The following CREBBP variants were observed in gnomAD, a reference collection of about 807,000 sequenced individuals.
CREBBP encodes the protein CREB binding lysine acetyltransferase, also known as CREB-binding protein.
CREBBP carries 19 observed loss-of-function variants against 265.0 expected under a neutral mutation model. The observed-to-expected ratio is 0.07, with a 90% confidence interval of 0.05 to 0.11. The LOEUF (loss-of-function observed/expected upper bound fraction) is 0.11. Among genes scored for constraint, CREBBP ranks in the 10% least tolerant of loss-of-function variants. The probability of loss-of-function intolerance (pLI) is 1.00; values close to 1 mark genes in which losing one functional copy is unlikely to be tolerated. For missense variants in CREBBP, 2,525 were observed against 3,219.0 expected (o/e 0.78, Z 5.22); for synonymous variants, 1,457 against 1,223.7 (o/e 1.19, Z -3.98).
intron 1 of CREBBP, among the ~76,000 whole-genome samples, chr16:3,855,628 A>G (rs1306379949): frequency 6.6e-6 from 1 of 152,084 alleles, no homozygotes; most frequent in Non-Finnish European, 1.5e-5. Context: ...AATTTGGGGT[A>G]CCTCCTCATG....
chr16:3,798,210 G>C (rs2053644824), intron 3 of CREBBP, among the ~76,000 whole-genome samples: 4 of 152,194 alleles, frequency 2.6e-5, no homozygotes, highest in Admixed American at 2.6e-4. Flanking sequence ...CAACGTAAGA[G>C]TGACAATCGT....
At chr16:3,736,340 T>C in intron 27 of CREBBP, 137 bp from the exon 28 acceptor site, 1 of 914,086 alleles carries the variant, frequency 1.1e-6, no homozygotes, top group Non-Finnish European at 1.7e-6. Context: ...CCCACCACAG[T>C]GCAGCAGACC....
chr16:3,850,265 A>T (rs748629353), intron 2 of CREBBP, 32 bp downstream of exon 2: 66 of 1,610,298 alleles, frequency 4.1e-5, no homozygotes, highest in Non-Finnish European at 5.4e-5. Context: ...GCGGTTAGGT[A>T]GGAAGTATTG....
chr16:3,850,105 T>C (rs1342660181), intron 2 of CREBBP, among the ~76,000 whole-genome samples, 192 bp downstream of exon 2: 1 of 152,058 alleles, frequency 6.6e-6, no homozygotes, highest in Non-Finnish European at 1.5e-5. Flanking sequence ...CTTTAAGAAT[T>C]CTCATTTTAA....
chr16:3,790,799 C>A (rs570601608), intron 5 of CREBBP, among the ~76,000 whole-genome samples: 1 of 152,180 alleles, frequency 6.6e-6, no homozygotes, highest in African/African-American at 2.4e-5. Flanking sequence ...CCTACTCCCT[C>A]GCCGCCAGAG....
At chr16:3,747,842 C>T (rs1440397387) in intron 21 of CREBBP, among the ~76,000 whole-genome samples, 1 of 152,134 alleles carries the variant, frequency 6.6e-6, no homozygotes, top group Non-Finnish European at 1.5e-5. Flanking sequence ...GTAATCCCAG[C>T]ACCTTGAGAG....
At chr16:3,790,596 C>T (rs959168722) in intron 5 of CREBBP, among the ~76,000 whole-genome samples, 19 of 152,130 alleles carry the variant, frequency 1.2e-4, no homozygotes, top group East Asian at 1.9e-4. Flanking sequence ...GTGATCTGCC[C>T]GCCTCGGCCT....
chr16:3,849,425 GTGTGTGTGTGTGTGTGTGTGTGTGT>G lies in CREBBP; in HGVS notation c.798+847_798+871del, dbSNP rs1597050318. Among the ~76,000 whole-genome samples, 82 of 10,580 alleles carry G rather than the reference GTGTGTGTGTGTGTGTGTGTGTGTGT, an allele frequency of 7.8e-3. 3 individuals are homozygous for G. Among genetic ancestry groups the G allele is most frequent in the East Asian group, 0.028 (4 of 142 alleles). 6.9% of individuals were successfully genotyped at this position (10,580 alleles called of 152,430 possible). Reference sequence around the variant, plus strand: ...TGTGTGTGTGTGTGTGTGTGTGTGTGTGTGTGTGTGTGTGTGTGTGTGTGTGTGTGTGTGTGTGTGTGTGTGTGTG... The same window carrying G: ...TGTGTGTGTGTGTGTGTGTGTGTGTGGTGTGTGTGTGTGTGTGTGTGTGTG... On this transcript the variant is annotated intron_variant, in intron 2 of 30. Coordinates refer to ENST00000262367, the MANE Select transcript of CREBBP (RefSeq NM_004380.3).
At chr16:3,766,162 C>T (rs1294125288) in intron 16 of CREBBP, among the ~76,000 whole-genome samples, 2 of 151,914 alleles carry the variant, frequency 1.3e-5, no homozygotes, top group Admixed American at 6.6e-5. Context: ...ATTCCAAGTA[C>T]AAGATGGATC....
intron 1 of CREBBP, among the ~76,000 whole-genome samples, chr16:3,858,060 C>G (rs973100145): frequency 3.9e-5 from 6 of 152,198 alleles, no homozygotes; most frequent in Non-Finnish European, 7.3e-5. Context: ...AGCCGGTGGT[C>G]TGCATGCAGA....
At chr16:3,826,986 TAA>T (rs903866160) in intron 2 of CREBBP, among the ~76,000 whole-genome samples, 1 of 152,122 alleles carries the variant, frequency 6.6e-6, no homozygotes, top group African/African-American at 2.4e-5. Context: ...TCTGTAAATC[TAA>T]AACTGTTCTC....
chr16:3,752,610 T>C (rs2052499158), intron 19 of CREBBP, among the ~76,000 whole-genome samples: 1 of 152,194 alleles, frequency 6.6e-6, no homozygotes, highest in Non-Finnish European at 1.5e-5. Flanking sequence ...AGAAATGTGA[T>C]ATATTGTATA....
intron 14 of CREBBP, 52 bp from the exon 15 acceptor site, chr16:3,769,405 T>C (rs2052944255): frequency 1.3e-6 from 2 of 1,599,790 alleles, no homozygotes; most frequent in Admixed American, 1.7e-5. Flanking sequence ...ACATAAATGA[T>C]CTTCAACTAT....
chr16:3,751,686 C>G (rs763764851), intron 20 of CREBBP, 40 bp downstream of exon 20: 1 of 1,588,294 alleles, frequency 6.3e-7, no homozygotes, highest in South Asian at 1.1e-5. Context: ...TTTAAGGTCA[C>G]CCTCCCTCAC....
intron 5 of CREBBP, among the ~76,000 whole-genome samples, chr16:3,789,902 A>G (rs937379647): frequency 6.6e-6 from 1 of 152,014 alleles, no homozygotes; most frequent in Non-Finnish European, 1.5e-5. Flanking sequence ...AAAACCACAT[A>G]CGCTTCTTTT....
intron 3 of CREBBP, among the ~76,000 whole-genome samples, chr16:3,799,032 T>C (rs1178448198): frequency 6.6e-6 from 1 of 152,138 alleles, no homozygotes; most frequent in African/African-American, 2.4e-5. Flanking sequence ...TACTACAACA[T>C]GAACTCCGAA....
chr16:3,782,949 A>C, intron 5 of CREBBP, 23 bp from the exon 6 acceptor site: 1 of 1,614,196 alleles, frequency 6.2e-7, no homozygotes, highest in Non-Finnish European at 8.5e-7. Flanking sequence ...ACAGACAGAC[A>C]GACAAAAACG....
At chr16:3,767,678 A>C (rs962592171) in intron 16 of CREBBP, 42 bp downstream of exon 16, 6 of 1,613,422 alleles carry the variant, frequency 3.7e-6, no homozygotes, top group Non-Finnish European at 5.1e-6. Context: ...AACACCGTGG[A>C]AAAGCAGCAT....
At chr16:3,737,457 T>G (rs1030409167) in intron 26 of CREBBP, among the ~76,000 whole-genome samples, 78 of 144,450 alleles carry the variant, frequency 5.4e-4, no homozygotes, top group Non-Finnish European at 1.1e-3. Flanking sequence ...TCTTTTTTCT[T>G]TTTTTTTTTT....
Sources: allele counts gnomAD v4.1 joint callset (sites outside exome capture counted in the v4.1 genomes callset), GRCh38; gene constraint gnomAD v4.1.1; transcripts MANE v1.5; gene names NCBI Gene and HGNC (gene_info 2026-07-23, HGNC 2026-07-21).